ERG: variants seen among roughly 807,000 people sequenced by gnomAD.
The protein encoded by ERG is ETS transcription factor ERG.
ERG carries 9 observed loss-of-function variants against 55.3 expected under a neutral mutation model. That is an observed-to-expected ratio of 0.16 (90% CI 0.10 to 0.28). ERG has a LOEUF of 0.28. ERG is among the 10% of genes least tolerant of loss of function. ERG has a pLI of 1.00. For synonymous variants in ERG, 223 were observed against 237.3 expected, an observed-to-expected ratio of 0.94 and a Z score of 0.55; for missense variants, 434 against 631.6, an observed-to-expected ratio of 0.69 and a Z score of 3.35.
chr21:38,402,764 CA>C (rs1988567904), intron 4 of ERG, 127 bp from the exon 5 acceptor site: 5 of 653,034 alleles, frequency 7.7e-6, no homozygotes, highest in Non-Finnish European at 1.3e-5. Context: ...ACCGTTCCCC[CA>C]CTCCCACACT....
chr21:38,579,179 C>T (rs2060013045), intron 1 of ERG, among the ~76,000 whole-genome samples: 1 of 152,174 alleles, frequency 6.6e-6, no homozygotes. Context: ...TCAAAACATC[C>T]TTGGATATCC....
At chr21:38,426,173 A>G (rs981369014) in intron 2 of ERG, among the ~76,000 whole-genome samples, 7 of 152,214 alleles carry the variant, frequency 4.6e-5, no homozygotes, top group Admixed American at 1.3e-4. Flanking sequence ...TAATGGTCTG[A>G]GTTCCCATGA....
intron 1 of ERG, among the ~76,000 whole-genome samples, chr21:38,601,301 C>T (rs1302631691): frequency 1.3e-5 from 2 of 152,108 alleles, no homozygotes; most frequent in Non-Finnish European, 2.9e-5. Context: ...ACTGTGGGCC[C>T]AAAATACCTA....
At chr21:38,577,937 GA>G (rs1352114608) in intron 1 of ERG, among the ~76,000 whole-genome samples, 1 of 152,234 alleles carries the variant, frequency 6.6e-6, no homozygotes, top group Non-Finnish European at 1.5e-5. Flanking sequence ...CTGACCTGCA[GA>G]ACACAGCAGA....
At chr21:38,581,045 C>A (rs1056906421) in intron 1 of ERG, among the ~76,000 whole-genome samples, 3 of 152,206 alleles carry the variant, frequency 2.0e-5, no homozygotes, top group Non-Finnish European at 4.4e-5. Flanking sequence ...GGGAAACACA[C>A]ACAAGATCTT....
At chr21:38,549,627 G>C (rs2059811162) in intron 2 of ERG, among the ~76,000 whole-genome samples, 1 of 152,074 alleles carries the variant, frequency 6.6e-6, no homozygotes, top group African/African-American at 2.4e-5. Context: ...TGAAACAGAG[G>C]CTTCTTTGGG....
chr21:38,525,982 G>A (rs557506165), intron 2 of ERG, among the ~76,000 whole-genome samples: 25 of 152,166 alleles, frequency 1.6e-4, no homozygotes, highest in African/African-American at 5.3e-4. Context: ...TACTTTTTCT[G>A]ACTATTGTTG....
At chr21:38,387,677 A>C (rs1987764455) in intron 9 of ERG, among the ~76,000 whole-genome samples, 1 of 152,222 alleles carries the variant, frequency 6.6e-6, no homozygotes, top group Admixed American at 6.5e-5. Context: ...ATAGCCAGGA[A>C]ATGCCTAAAG....
chr21:38,639,441 C>G (rs964525590), intron 1 of ERG, among the ~76,000 whole-genome samples: 13 of 150,192 alleles, frequency 8.7e-5, no homozygotes, highest in Admixed American at 5.3e-4. Context: ...GTTAAAGATG[C>G]CTTGAATAAA....
At chr21:38,593,165 C>T (rs537727266) in intron 1 of ERG, among the ~76,000 whole-genome samples, 3 of 152,266 alleles carry the variant, frequency 2.0e-5, no homozygotes, top group Non-Finnish European at 4.4e-5. Flanking sequence ...AGCAAAACAG[C>T]GCCATGTCCC....
intron 2 of ERG, among the ~76,000 whole-genome samples, chr21:38,425,918 G>A (rs1430706908): frequency 6.6e-6 from 1 of 152,240 alleles, no homozygotes; most frequent in Non-Finnish European, 1.5e-5. Flanking sequence ...GACAGGAAGG[G>A]AAAGTGTTTG....
At chr21:38,430,826 G>A (rs1024194155) in intron 2 of ERG, among the ~76,000 whole-genome samples, 4 of 152,150 alleles carry the variant, frequency 2.6e-5, no homozygotes, top group Admixed American at 6.5e-5. Flanking sequence ...GAATAGCTGG[G>A]ACTACAGGCC....
chr21:38,582,850 G>C (rs1166565156), intron 1 of ERG, among the ~76,000 whole-genome samples: 1 of 152,110 alleles, frequency 6.6e-6, no homozygotes, highest in Middle Eastern at 3.2e-3. Context: ...GGGTTCCACT[G>C]ATTCTCCTGC....
intron 1 of ERG, among the ~76,000 whole-genome samples, chr21:38,626,656 C>G (rs972287779): frequency 1.3e-5 from 2 of 150,928 alleles, no homozygotes; most frequent in African/African-American, 4.9e-5. Flanking sequence ...AAGGGAAGCA[C>G]GTTATGAAAA....
chr21:38,402,781 C>A (rs1423887291), intron 4 of ERG, 144 bp from the exon 5 acceptor site: 3 of 620,708 alleles, frequency 4.8e-6, no homozygotes, highest in Non-Finnish European at 8.1e-6. Context: ...ACACTAACAT[C>A]ATGGGAAGCT....
intron 8 of ERG, 49 bp downstream of exon 8, chr21:38,391,610 T>G (rs757018354): frequency 7.0e-7 from 1 of 1,437,722 alleles, no homozygotes; most frequent in East Asian, 2.3e-5. Flanking sequence ...AATGTGCTGC[T>G]GAGCCTGAAT....
chr21:38,575,696 A>C (rs777236275), exon 2 of ERG: 1 of 1,614,000 alleles, frequency 6.2e-7, no homozygotes, highest in African/African-American at 1.3e-5. Context: ...GACAGTCTGA[A>C]TCATGTCCTT....
intron 1 of ERG, among the ~76,000 whole-genome samples, chr21:38,648,188 T>C (rs1041237875): frequency 9.9e-5 from 15 of 152,262 alleles, no homozygotes; most frequent in African/African-American, 2.2e-4. Context: ...TCGCTTCCTT[T>C]GCCAGTGCAA....
chr21:38,488,713 C>A (rs2059309328), intron 1 of ERG, among the ~76,000 whole-genome samples: 1 of 152,088 alleles, frequency 6.6e-6, no homozygotes, highest in Non-Finnish European at 1.5e-5. Context: ...ATAGAAAAGG[C>A]CTTCCATTGA....
Sources: gnomAD v4.1 joint callset for allele counts (sites outside exome capture counted in the v4.1 genomes callset) on GRCh38, gnomAD v4.1.1 for gene constraint, MANE v1.5 for transcripts, NCBI Gene and HGNC (gene_info 2026-07-23, HGNC 2026-07-21) for gene names.